Variants in IL6ST observed in about 807,000 individuals in gnomAD.
The protein encoded by IL6ST is interleukin 6 cytokine family signal transducer, also known as interleukin-6 receptor subunit beta.
A neutral mutation model predicts 91.3 loss-of-function variants in IL6ST; 24 were observed. The ratio of observed to expected loss-of-function variants is 0.26; its 90% confidence interval spans 0.19 to 0.37. The LOEUF is 0.37. Ranked by LOEUF, IL6ST falls within the 10% of genes least tolerant of loss-of-function variation. The probability of loss-of-function intolerance (pLI) is 1.00; values close to 1 mark genes in which losing one functional copy is unlikely to be tolerated. For missense variants in IL6ST, 914 were observed against 1,078.5 expected, an observed-to-expected ratio of 0.85 and a Z score of 2.14; for synonymous variants, 351 against 373.6, an observed-to-expected ratio of 0.94 and a Z score of 0.70.
At chr5:55,941,907 G>T in intron 16 of IL6ST, 88 bp from the exon 17 acceptor site, 1 of 1,118,692 alleles carries the variant, frequency 8.9e-7, no homozygotes, top group Non-Finnish European at 1.3e-6. Flanking sequence ...AACTCTCAGT[G>T]GTACAGAAAT....
rs148108192 is a variant in IL6ST at position 55,963,411 on chromosome 5, C to A, written c.754G>T (p.Val252Phe). ...LTWTNPSIKSVIILKYNIQYR... is the reference protein window; with the variant it reads ...LTWTNPSIKSFIILKYNIQYR... ...TGAATGTTATATTTTAGTATTATAA[C>A]ACTCTTAATACTTGGGTTGGTCCAT... The change falls in exon 7 of 17, where the codon GTT (valine) becomes TTT (phenylalanine). Residue 252 changes from valine to phenylalanine, a missense_variant. Coordinates refer to ENST00000381298, the MANE Select transcript of IL6ST (RefSeq NM_002184.4). 6.3e-7 allele frequency: 1 copy of A among 1,596,908 alleles called. No homozygotes were observed. The highest frequency in any genetic ancestry group is 8.6e-7 in the Non-Finnish European group (1 of 1,165,408).
intron 2 of IL6ST, among the ~76,000 whole-genome samples, chr5:55,977,122 A>C (rs1374445140): frequency 1.3e-5 from 2 of 152,152 alleles, no homozygotes; most frequent in African/African-American, 2.4e-5. Context: ...ATATAATAGA[A>C]TACTACTCAG....
chr5:55,969,174 G>A (rs570131483), intron 4 of IL6ST, among the ~76,000 whole-genome samples: 31 of 146,314 alleles, frequency 2.1e-4, no homozygotes, highest in African/African-American at 8.2e-4. Flanking sequence ...GTGACAGAGC[G>A]AGACTCTGTC....
chr5:55,954,551 T>C (rs1751842857), intron 11 of IL6ST, among the ~76,000 whole-genome samples: 2 of 152,186 alleles, frequency 1.3e-5, no homozygotes, highest in Non-Finnish European at 2.9e-5. Flanking sequence ...CTATACTCTA[T>C]AGTTTTAGGA....
At chr5:55,957,162 A>G (rs202135765) in intron 9 of IL6ST, 47 bp downstream of exon 9, 1 of 1,095,046 alleles carries the variant, frequency 9.1e-7, no homozygotes, top group East Asian at 2.6e-5. Flanking sequence ...GTTTCAAAAA[A>G]AAAAAAAAAG....
chr5:55,989,945 A>T (rs181981663), intron 1 of IL6ST, among the ~76,000 whole-genome samples: 5 of 152,006 alleles, frequency 3.3e-5, no homozygotes, highest in Admixed American at 2.0e-4. Context: ...TGATTAACTC[A>T]CTTTGCACTA....
chr5:55,963,186 A>G (rs1057271837), intron 7 of IL6ST, among the ~76,000 whole-genome samples, 166 bp downstream of exon 7: 1 of 152,106 alleles, frequency 6.6e-6, no homozygotes, highest in African/African-American at 2.4e-5. Context: ...TTCTATCTGG[A>G]TATCTTCCTG....
chr5:55,968,463 T>C (rs1273263466), intron 4 of IL6ST, 67 bp from the exon 5 acceptor site: 4 of 1,428,912 alleles, frequency 2.8e-6, no homozygotes, highest in East Asian at 2.3e-5. Context: ...ATTTATATAC[T>C]ACCCAAGGCA....
intron 3 of IL6ST, 45 bp downstream of exon 3, chr5:55,976,170 A>G: frequency 3.3e-6 from 3 of 898,410 alleles, no homozygotes; most frequent in Non-Finnish European, 3.4e-6. Flanking sequence ...AAATATATAA[A>G]CCTAATTTGT....
At chr5:55,950,535 C>CA (rs70995750) in intron 14 of IL6ST, among the ~76,000 whole-genome samples, 2,151 of 28,882 alleles carry the variant, frequency 0.074, 111 homozygotes, top group East Asian at 0.11. Context: ...GACTCTGTCT[C>CA]AAAAAAAAAA....
chr5:55,975,825 A>C (rs1753255298), intron 3 of IL6ST, among the ~76,000 whole-genome samples: 1 of 152,256 alleles, frequency 6.6e-6, no homozygotes, highest in South Asian at 2.1e-4. Context: ...GCAGCCCTTC[A>C]ATACCTGAAG....
intron 3 of IL6ST, among the ~76,000 whole-genome samples, chr5:55,972,311 G>A (rs1753011753): frequency 6.6e-6 from 1 of 151,354 alleles, no homozygotes; most frequent in Non-Finnish European, 1.5e-5. Context: ...AGGAGATCAA[G>A]GCCATCGTGG....
At chr5:55,951,255 C>T (rs1279365674) in intron 14 of IL6ST, among the ~76,000 whole-genome samples, 1 of 152,144 alleles carries the variant, frequency 6.6e-6, no homozygotes, top group Non-Finnish European at 1.5e-5. Flanking sequence ...ATTTTTAGTA[C>T]AGCTGAATAT....
chr5:55,968,395 C>T lies in IL6ST; in HGVS notation c.372G>A (p.Leu124=), dbSNP rs200977907. ...NVYGITIISG[L]PPEKPKNLSC... is the part of the protein sequence containing the mutation. ...TCAAATTTTTAGGTTTTTCTGGAGG[C>T]ACTAAAAGGGATTAATTAGCATCTT... is the stretch of plus-strand genomic sequence containing the variant. The change falls in exon 5 of 17, where the codon TTG becomes TTA. Residue 124 remains leucine, a splice_region_variant and synonymous_variant. Coordinates refer to ENST00000381298, the MANE Select transcript of IL6ST (RefSeq NM_002184.4). 162 of 1,611,482 alleles carry T rather than the reference C, an allele frequency of 1.0e-4. 1 individual carries two copies. The Middle Eastern group carries it at 0.011, about 105-fold the overall frequency.
At chr5:55,951,321 G>A in intron 14 of IL6ST, 143 bp downstream of exon 14, 1 of 660,188 alleles carries the variant, frequency 1.5e-6, no homozygotes, top group South Asian at 2.0e-5. Flanking sequence ...TTTCTATAAA[G>A]AAACCACCAA....
rs768448208 is a variant in IL6ST at position 55,939,124 on chromosome 5, A to G, written c.*1958T>C. The G allele has an allele frequency of 3.4e-5, 7 of 208,338 alleles. No homozygotes were observed. The highest frequency in any genetic ancestry group is 6.8e-5 in the Non-Finnish European group (7 of 102,250). The allele number at this position is 208,338 out of a possible 1,614,324, so 12.9% of individuals were successfully genotyped here. On this transcript the variant is annotated 3_prime_UTR_variant, in exon 17 of 17. Coordinates refer to ENST00000381298, the MANE Select transcript of IL6ST (RefSeq NM_002184.4). Reference sequence around the variant, plus strand: ...GACTTAAATTTTGAGAAAATGGAAAATGTAATAGGTATAAATTTCCTGACA... The same window carrying G: ...GACTTAAATTTTGAGAAAATGGAAAGTGTAATAGGTATAAATTTCCTGACA...
chr5:55,940,546 A>G lies in IL6ST; in HGVS notation c.*536T>C, dbSNP rs10471960. On this transcript the variant is annotated 3_prime_UTR_variant, in exon 17 of 17. Transcript: ENST00000381298. ...ATACCGTGTACACTGATATACACGAAGCTGCTCCTCATTTTTTTGTCAGAT... is the reference window on the plus strand; with the variant it reads ...ATACCGTGTACACTGATATACACGAGGCTGCTCCTCATTTTTTTGTCAGAT... The G allele has an allele frequency of 0.19, 40,374 of 214,212 alleles. 5,855 individuals carry two copies. The highest frequency in any genetic ancestry group is 0.45 in the African/African-American group (19,764 of 44,314). 13.3% of individuals were successfully genotyped at this position (214,212 alleles called of 1,614,324 possible).
At position 55,935,725 on chromosome 5, in the gene IL6ST, C is replaced by T. The variant is rs1308574448; in HGVS notation, c.*5357G>A. 4 of 216,122 alleles carry T rather than the reference C, an allele frequency of 1.9e-5. No homozygotes were observed. Among genetic ancestry groups the T allele is most frequent in the Non-Finnish European group, 3.7e-5 (4 of 107,676 alleles). The allele number at this position is 216,122 out of a possible 1,614,324, so 13.4% of individuals were successfully genotyped here. On this transcript the variant is annotated 3_prime_UTR_variant, in exon 17 of 17. Transcript: ENST00000381298. ...GCCTATACGCAGTTGTAATATATTT[C>T]GTATTTTGAAAGTGTAGAAGTTTGT...
chr5:55,992,960 T>C (rs1483918949), intron 1 of IL6ST, among the ~76,000 whole-genome samples: 2 of 152,260 alleles, frequency 1.3e-5, no homozygotes, highest in Non-Finnish European at 1.5e-5. Flanking sequence ...TGCACCTTTG[T>C]GAGTTCGTAC....
Sources: gnomAD v4.1 joint callset for allele counts (sites outside exome capture counted in the v4.1 genomes callset) on GRCh38, gnomAD v4.1.1 for gene constraint, MANE v1.5 for transcripts, NCBI Gene and HGNC (gene_info 2026-07-23, HGNC 2026-07-21) for gene names.